The following MYH2 variants were observed in gnomAD, a reference collection of about 807,000 sequenced individuals.
MYH2 encodes the protein myosin heavy chain 2, also known as myosin-2.
Under a neutral mutation model 228.1 loss-of-function variants are expected in MYH2, and 139 were observed. The observed-to-expected ratio is 0.61, with a 90% CI of 0.53 to 0.70. The LOEUF is 0.70. MYH2 is among the 30% of genes least tolerant of loss of function. The pLI is 0.00. For synonymous variants in MYH2, 796 were observed against 871.1 expected, an observed-to-expected ratio of 0.91 and a Z score of 1.52; for missense variants, 1,809 against 2,357.5, an observed-to-expected ratio of 0.77 and a Z score of 4.82.
intron 27 of MYH2, among the ~76,000 whole-genome samples, chr17:10,528,239 A>G (rs2073379467): frequency 6.6e-6 from 1 of 152,034 alleles, no homozygotes; most frequent in African/African-American, 2.4e-5. Flanking sequence ...AAAGCTAATC[A>G]TGGAGCTCTG....
intron 23 of MYH2, 28 bp downstream of exon 23, chr17:10,529,804 A>G: frequency 6.2e-7 from 1 of 1,614,102 alleles, no homozygotes; most frequent in Non-Finnish European, 8.5e-7. Flanking sequence ...CAGAACCTCT[A>G]TACAGTACTG....
chr17:10,526,583 A>G lies in MYH2; in HGVS notation c.4187+16T>C, dbSNP rs369288263. On this transcript the variant is annotated intron_variant, in intron 30 of 39. Coordinates refer to ENST00000245503, the MANE Select transcript of MYH2 (RefSeq NM_017534.6). ...TGCAAAGTTTTCTGCTCATTCTCTC[A>G]TATCTGTGCACATACTTGGCCTCCT... 2.5e-6 allele frequency: 4 copies of G among 1,613,924 alleles called. No individual in the cohort carries two copies. Among genetic ancestry groups the G allele is most frequent in the Non-Finnish European group, 3.4e-6 (4 of 1,179,840 alleles).
chr17:10,522,550 TTTA>T (rs2073297172), intron 39 of MYH2, among the ~76,000 whole-genome samples: 1 of 152,004 alleles, frequency 6.6e-6, no homozygotes, highest in South Asian at 2.1e-4. Context: ...CTTCTACTGT[TTTA>T]TTATTATTTA....
intron 22 of MYH2, among the ~76,000 whole-genome samples, chr17:10,531,171 T>C (rs936012824): frequency 6.6e-6 from 1 of 152,180 alleles, no homozygotes; most frequent in Non-Finnish European, 1.5e-5. Flanking sequence ...GAGATCAATA[T>C]CACACGATAA....
At chr17:10,527,267 T>C (rs146421665) in intron 28 of MYH2, among the ~76,000 whole-genome samples, 27 of 152,378 alleles carry the variant, frequency 1.8e-4, no homozygotes, top group African/African-American at 6.5e-4. Context: ...TTAAATTCCT[T>C]TTGTCCTTTC....
chr17:10,533,743 T>C, intron 19 of MYH2, 111 bp from the exon 20 acceptor site: 1 of 1,399,814 alleles, frequency 7.1e-7, no homozygotes, highest in Non-Finnish European at 9.9e-7. Context: ...TATTATTCTT[T>C]GTTCACAAGG....
At chr17:10,545,205 C>G in intron 5 of MYH2, 141 bp downstream of exon 5, 1 of 1,530,408 alleles carries the variant, frequency 6.5e-7, no homozygotes, top group African/African-American at 1.4e-5. Context: ...TCTCCCCTTC[C>G]TGGACCTTCT....
Position 10,537,632 on chromosome 17 carries a change from C to T in MYH2, c.1587+33G>A, listed in dbSNP as rs201833023. The T allele has an allele frequency of 1.4e-3, 2,251 of 1,614,076 alleles. 1 individual carries two copies. The highest frequency in any genetic ancestry group is 1.8e-3 in the Non-Finnish European group (2,095 of 1,180,014). On this transcript the variant is annotated intron_variant, in intron 15 of 39. Transcript: ENST00000245503. This position sits in a 1 kb window ranked among gnomAD's most constrained non-coding sequence, Gnocchi z 4.0. ...AAAAAGCAGCGAATAATATAGTTGC[C>T]GCAAAATATGGTTTCAGAAATGCAA...
intron 5 of MYH2, among the ~76,000 whole-genome samples, chr17:10,544,609 GGAGT>G (rs375255973): frequency 7.9e-5 from 12 of 152,308 alleles, no homozygotes; most frequent in African/African-American, 2.6e-4. Context: ...TGTGTGAAAA[GGAGT>G]AAGTACAGTA....
At chr17:10,542,735 T>G (rs2073573208) in intron 10 of MYH2, 140 bp downstream of exon 10, 2 of 585,608 alleles carry the variant, frequency 3.4e-6, no homozygotes, top group Admixed American at 3.4e-5. Context: ...ACATATAAAT[T>G]TTTACCAAAC....
chr17:10,529,197 C>A lies in MYH2; in HGVS notation c.3319G>T (p.Gly1107Cys). The change falls in exon 26 of 40, where the codon GGC becomes TGC. Residue 1107 changes from glycine (G) to cysteine (C), a missense_variant. Gly to Cys is a radical substitution (Grantham distance 159, BLOSUM62 -3). This residue lies in a region of MYH2 where 636 missense variants were observed against 729.9 expected (regional missense o/e 0.87). Transcript: ENST00000245503. ...TTAATTTTCTTCTGCAATTGAATGC[C>A]AAGTGCCTGTTCATCTTCAATCTTG... The part of the protein sequence containing the change: ...QSKIEDEQAL[G>C]IQLQKKIKEL... 6.2e-7 allele frequency: 1 copy of A among 1,614,194 alleles called. No homozygotes were observed. Among genetic ancestry groups the A allele is most frequent in the East Asian group, 2.2e-5 (1 of 44,888 alleles).
At chr17:10,545,712 G>T (rs2073620808) in intron 4 of MYH2, among the ~76,000 whole-genome samples, 1 of 152,086 alleles carries the variant, frequency 6.6e-6, no homozygotes, top group South Asian at 2.1e-4. Context: ...CTACAGGCAT[G>T]CATCACCATG....
chr17:10,547,927 T>C lies in MYH2; in HGVS notation c.-7A>G, dbSNP rs750960549. Reference sequence around the variant, plus strand: ...ATTCTGAGTCTGAACTCATGGCTGCTGAACTCAGAGGTCCTAAAGGAGATA... The same window carrying C: ...ATTCTGAGTCTGAACTCATGGCTGCCGAACTCAGAGGTCCTAAAGGAGATA... On this transcript the variant is annotated 5_prime_UTR_variant, in exon 3 of 40. Coordinates refer to ENST00000245503, the MANE Select transcript of MYH2 (RefSeq NM_017534.6). 1 of 1,614,090 alleles carries C rather than the reference T, an allele frequency of 6.2e-7. No homozygotes were observed. Among genetic ancestry groups the C allele is most frequent in the Non-Finnish European group, 8.5e-7 (1 of 1,179,966 alleles).
chr17:10,526,778 C>G lies in MYH2; in HGVS notation c.4008G>C (p.Ala1336=). ...EEEIKAKNAL[A]HALQSSRHDC... The stretch of plus-strand genomic sequence containing the variant: ...CGTGGCGGGAAGACTGCAGGGCATG[C>G]GCCAGGGCGTTCTTGGCCTATGGAG... Residue 1336 remains alanine, a synonymous_variant, in exon 30 of 40, where the codon GCG becomes GCC. Transcript: ENST00000245503. 6.2e-7 allele frequency: 1 copy of G among 1,614,238 alleles called. No homozygotes were observed. The highest frequency in any genetic ancestry group is 1.1e-5 in the South Asian group (1 of 91,090).
intron 30 of MYH2, among the ~76,000 whole-genome samples, chr17:10,526,147 C>A (rs538543064): frequency 2.6e-4 from 39 of 152,278 alleles, no homozygotes; most frequent in Non-Finnish European, 5.3e-4. Context: ...TAATACCTTA[C>A]AGATACAAGT....
At position 10,529,210 on chromosome 17, in the gene MYH2, A is replaced by C; in HGVS notation, c.3306T>G (p.Asp1102Glu). ...EISNLQSKIE[D>E]EQALGIQLQK... ...GCAATTGAATGCCAAGTGCCTGTTC[A>C]TCTTCAATCTTGCTTTGCAGATTGC... is the stretch of plus-strand genomic sequence containing the variant. Residue 1102 changes from aspartate to glutamate, a missense_variant, in exon 26 of 40, where the codon GAT becomes GAG. Transcript: ENST00000245503. The C allele has an allele frequency of 1.2e-6, 2 of 1,614,262 alleles. No individual in the cohort carries two copies. Among genetic ancestry groups the C allele is most frequent in the South Asian group, 2.2e-5 (2 of 91,086 alleles).
At chr17:10,540,160 C>A in intron 11 of MYH2, 94 bp from the exon 12 acceptor site, 1 of 1,548,350 alleles carries the variant, frequency 6.5e-7, no homozygotes, top group South Asian at 1.1e-5. Flanking sequence ...AGGAAACTAC[C>A]AGTGCTAATG....
At chr17:10,526,856 A>G (rs1783136172) in intron 29 of MYH2, 61 bp from the exon 30 acceptor site, 24 of 1,613,948 alleles carry the variant, frequency 1.5e-5, no homozygotes, top group Non-Finnish European at 2.0e-5. Flanking sequence ...CTTAACTTTC[A>G]AAACCTTTTG....
intron 19 of MYH2, 41 bp downstream of exon 19, chr17:10,535,032 A>C: frequency 6.3e-7 from 1 of 1,597,850 alleles, no homozygotes; most frequent in Non-Finnish European, 8.6e-7. Flanking sequence ...AAACTTGTTC[A>C]TATTAAACTT....
Sources: allele counts gnomAD v4.1 joint callset (sites outside exome capture counted in the v4.1 genomes callset), GRCh38; gene constraint gnomAD v4.1.1; regional missense constraint gnomAD v4.1.1; non-coding constraint Gnocchi (gnomAD v3.1); transcripts MANE v1.5; gene names NCBI Gene and HGNC (gene_info 2026-07-23, HGNC 2026-07-21).